MAST4: variants seen among roughly 807,000 people sequenced by gnomAD.
MAST4 encodes the protein microtubule-associated serine/threonine-protein kinase 4.
In MAST4, 89 loss-of-function variants were observed where a neutral mutation model predicts 162.7. The ratio of observed to expected loss-of-function variants is 0.55; its 90% CI spans 0.46 to 0.65. The LOEUF is 0.65. Ranked by LOEUF, MAST4 falls within the 30% of genes least tolerant of loss-of-function variation. MAST4 has a pLI of 0.00. For synonymous variants in MAST4, 1,479 were observed against 1,361.1 expected, an observed-to-expected ratio of 1.09 and a Z score of -1.91; for missense variants, 3,153 against 3,374.0, an observed-to-expected ratio of 0.93 and a Z score of 1.62.
At chr5:67,004,071 A>G (rs185670493) in intron 4 of MAST4, 2,419 of 152,388 alleles carry the variant, frequency 0.016, 33 homozygotes, top group Admixed American at 0.054. Context: ...GGTCGGCCTC[A>G]GGTGCGCGCA....
intron 4 of MAST4, among the ~76,000 whole-genome samples, chr5:66,915,857 A>G (rs1764083509): frequency 6.6e-6 from 1 of 152,336 alleles, no homozygotes; most frequent in African/African-American, 2.4e-5. Context: ...AGTTAATGGA[A>G]GAAGACGAAA....
At chr5:66,934,486 G>T (rs1206108760) in intron 4 of MAST4, among the ~76,000 whole-genome samples, 1 of 152,092 alleles carries the variant, frequency 6.6e-6, no homozygotes, top group Admixed American at 6.6e-5. Flanking sequence ...TGAAGTTAAA[G>T]GATAGTAATC....
At chr5:66,794,157 C>T (rs748211579) in intron 3 of MAST4, among the ~76,000 whole-genome samples, 1 of 152,092 alleles carries the variant, frequency 6.6e-6, no homozygotes, top group South Asian at 2.1e-4. Context: ...ATTCTTCAAG[C>T]CAGAGAGAAA....
intron 3 of MAST4, among the ~76,000 whole-genome samples, chr5:66,844,327 C>T (rs1319855432): frequency 6.6e-6 from 1 of 152,044 alleles, no homozygotes; most frequent in African/African-American, 2.4e-5. Flanking sequence ...ATGTTCTTTT[C>T]ATCAGTATTA....
chr5:67,102,482 T>A, intron 8 of MAST4, 54 bp from the exon 9 acceptor site: 1 of 1,483,570 alleles, frequency 6.7e-7, no homozygotes, highest in Non-Finnish European at 9.4e-7. Context: ...ATAAAAAGCT[T>A]ATTTTCATTT....
At chr5:67,071,522 G>C (rs75970448) in intron 5 of MAST4, among the ~76,000 whole-genome samples, 3 of 152,142 alleles carry the variant, frequency 2.0e-5, no homozygotes, top group Admixed American at 6.5e-5. Flanking sequence ...GAAGGCCAAG[G>C]GGGGGGCGGG....
chr5:66,728,664 TA>T (rs946544344), intron 1 of MAST4, among the ~76,000 whole-genome samples: 3 of 152,194 alleles, frequency 2.0e-5, no homozygotes, highest in African/African-American at 7.2e-5. Context: ...AGTAAAAGTC[TA>T]CGGAGAAAGG....
At chr5:66,801,353 C>T (rs968218856) in intron 3 of MAST4, among the ~76,000 whole-genome samples, 3 of 151,914 alleles carry the variant, frequency 2.0e-5, no homozygotes, top group African/African-American at 7.3e-5. Context: ...GGAGTGTTTG[C>T]GGCTGTGACT....
intron 5 of MAST4, among the ~76,000 whole-genome samples, chr5:67,071,731 G>C (rs1411250773): frequency 1.3e-5 from 2 of 152,214 alleles, no homozygotes; most frequent in Non-Finnish European, 2.9e-5. Context: ...CTGCGCTCCA[G>C]CCTGGGCGAC....
chr5:66,621,372 A>T (rs2149407311), intron 1 of MAST4, among the ~76,000 whole-genome samples: 1 of 152,346 alleles, frequency 6.6e-6, no homozygotes, highest in Non-Finnish European at 1.5e-5. Context: ...TTGTATGAGT[A>T]GCAGTGAGAA....
At chr5:67,061,411 T>C (rs2150594819) in intron 5 of MAST4, among the ~76,000 whole-genome samples, 1 of 152,350 alleles carries the variant, frequency 6.6e-6, no homozygotes, top group South Asian at 2.1e-4. Flanking sequence ...TTTTGTTTAA[T>C]TTTTATTTTA....
intron 1 of MAST4, among the ~76,000 whole-genome samples, chr5:66,706,085 T>C (rs921626467): frequency 3.3e-5 from 5 of 152,180 alleles, no homozygotes; most frequent in African/African-American, 9.7e-5. Context: ...TATGGAGTTT[T>C]AGTACTGTGA....
intron 1 of MAST4, among the ~76,000 whole-genome samples, chr5:66,711,836 C>A (rs115591326): frequency 0.042 from 6,455 of 152,128 alleles, 191 homozygotes; most frequent in Non-Finnish European, 0.061. Flanking sequence ...CTCTGCCCCC[C>A]ACCCCCCAAA....
chr5:66,911,595 G>A (rs188288759), intron 4 of MAST4, among the ~76,000 whole-genome samples: 1 of 121,468 alleles, frequency 8.2e-6, no homozygotes, highest in Non-Finnish European at 1.6e-5. Flanking sequence ...AATTAGCTAG[G>A]CATGGTGGCA....
Position 67,086,410 on chromosome 5 carries a change from A to T in MAST4, c.764-3752A>T, listed in dbSNP as rs555352802. On this transcript the variant is annotated intron_variant, in intron 5 of 28. Transcript: ENST00000403625. ...TTAATCTGGAAATCACTTTCTTAAC[A>T]ATAGCTGCTGCTAAAATGAGGCACC... is the stretch of plus-strand genomic sequence containing the variant. 7.9e-3 allele frequency among the ~76,000 whole-genome samples: 1,211 copies of T among 152,334 alleles called. 17 individuals are homozygous for T. The highest frequency in any genetic ancestry group is 0.028 in the African/African-American group (1,148 of 41,584).
chr5:66,790,516 C>T (rs1229451779), intron 3 of MAST4, among the ~76,000 whole-genome samples: 1 of 152,128 alleles, frequency 6.6e-6, no homozygotes, highest in Non-Finnish European at 1.5e-5. Context: ...TATTTTTTCT[C>T]TCATGAAAAT....
chr5:67,122,081 G>A (rs1767660272), intron 14 of MAST4, among the ~76,000 whole-genome samples: 1 of 152,108 alleles, frequency 6.6e-6, no homozygotes, highest in Non-Finnish European at 1.5e-5. Flanking sequence ...ACAGTGACAA[G>A]ATTCTTCTGA....
At chr5:66,653,025 CT>C (rs1254601107) in intron 1 of MAST4, among the ~76,000 whole-genome samples, 1 of 152,136 alleles carries the variant, frequency 6.6e-6, no homozygotes, top group African/African-American at 2.4e-5. Context: ...GATGTCATAA[CT>C]TTTCAAAAGG....
At chr5:66,929,240 A>C (rs896270832) in intron 4 of MAST4, among the ~76,000 whole-genome samples, 1 of 152,162 alleles carries the variant, frequency 6.6e-6, no homozygotes, top group Non-Finnish European at 1.5e-5. Context: ...CCTGGATTCC[A>C]AAGGGTGGAG....
Sources: gnomAD v4.1 joint callset for allele counts (sites outside exome capture counted in the v4.1 genomes callset) on GRCh38, gnomAD v4.1.1 for gene constraint, MANE v1.5 for transcripts, NCBI Gene and HGNC (gene_info 2026-07-23, HGNC 2026-07-21) for gene names.